The following DPYSL2 variants were observed in gnomAD, a reference collection of about 807,000 sequenced individuals.
DPYSL2 encodes the protein dihydropyrimidinase like 2.
Under a neutral mutation model 69.9 loss-of-function variants are expected in DPYSL2, and 13 were observed. The ratio of observed to expected loss-of-function variants is 0.19; its 90% CI spans 0.12 to 0.30. The LOEUF is 0.30. DPYSL2 is among the 10% of genes least tolerant of loss of function. DPYSL2 has a pLI of 1.00. For synonymous variants in DPYSL2, 326 were observed against 359.1 expected, an observed-to-expected ratio of 0.91 and a Z score of 1.04; for missense variants, 587 against 918.9, an observed-to-expected ratio of 0.64 and a Z score of 4.67.
intron 1 of DPYSL2, among the ~76,000 whole-genome samples, chr8:26,528,863 G>A (rs1057439303): frequency 8.5e-5 from 13 of 152,142 alleles, no homozygotes; most frequent in Admixed American, 5.2e-4. Context: ...GTTTAGGGAG[G>A]CCAGTTTGGA....
intron 1 of DPYSL2, among the ~76,000 whole-genome samples, chr8:26,534,316 G>A (rs893104072): frequency 1.3e-5 from 2 of 152,130 alleles, no homozygotes; most frequent in African/African-American, 4.8e-5. Context: ...AAGTAGCTGG[G>A]ACTACAGGGG....
intron 1 of DPYSL2, among the ~76,000 whole-genome samples, chr8:26,535,285 C>T (rs1166939245): frequency 6.6e-6 from 1 of 152,154 alleles, no homozygotes; most frequent in African/African-American, 2.4e-5. Context: ...ACCTGATCAC[C>T]TCTCAAAGGC....
intron 7 of DPYSL2, 53 bp from the exon 8 acceptor site, chr8:26,634,727 C>T (rs1047771881): frequency 2.5e-5 from 40 of 1,611,414 alleles, no homozygotes; most frequent in East Asian, 1.1e-4. Flanking sequence ...ATAAAGGTAG[C>T]GGCTCGTGGG....
chr8:26,574,297 C>A (rs1023993935), intron 1 of DPYSL2, among the ~76,000 whole-genome samples: 3 of 152,206 alleles, frequency 2.0e-5, no homozygotes, highest in Admixed American at 2.0e-4. Flanking sequence ...ACACTGTGTG[C>A]GTGCACCCAT....
intron 1 of DPYSL2, among the ~76,000 whole-genome samples, chr8:26,528,026 A>T (rs1402761330): frequency 6.6e-6 from 1 of 151,588 alleles, no homozygotes; most frequent in African/African-American, 2.4e-5. Context: ...CTTGTATTGA[A>T]CTCCTGGCCT....
intron 3 of DPYSL2, among the ~76,000 whole-genome samples, chr8:26,623,411 C>T (rs1802542397): frequency 6.6e-6 from 1 of 152,102 alleles, no homozygotes; most frequent in South Asian, 2.1e-4. Context: ...AATGTATGTG[C>T]TAGGTAATAT....
chr8:26,653,459 C>T lies in DPYSL2; in HGVS notation c.1942+62C>T. 1 of 1,520,528 alleles carries T rather than the reference C, an allele frequency of 6.6e-7. No individual in the cohort carries two copies. The highest frequency in any genetic ancestry group is 8.9e-7 in the Non-Finnish European group (1 of 1,124,504). The allele number at this position is 1,520,528 out of a possible 1,614,324, so 94.2% of individuals were successfully genotyped here. A position where few individuals can be genotyped will look rare whatever the true frequency, so the allele number is the denominator to read the frequency against. On this transcript the variant is annotated intron_variant, in intron 13 of 13. Coordinates refer to ENST00000521913, the MANE Select transcript of DPYSL2 (RefSeq NM_001197293.3). This position sits in a 1 kb window ranked among gnomAD's most constrained non-coding sequence, Gnocchi z 5.7. ...GGCCAGCTCGCTGGTGCTGGCGAGGCTACAGTTGCATTTGGAAAGGACACA... is the reference window on the plus strand; with the variant it reads ...GGCCAGCTCGCTGGTGCTGGCGAGGTTACAGTTGCATTTGGAAAGGACACA...
chr8:26,616,246 C>T lies in DPYSL2; in HGVS notation c.629-7897C>T, dbSNP rs963366953. Among the ~76,000 whole-genome samples the T allele has an allele frequency of 6.6e-5, 10 of 152,166 alleles. No individual in the cohort carries two copies. The Middle Eastern group carries it at 0.01, about 155-fold the overall frequency. The stretch of plus-strand genomic sequence containing the variant: ...TTCTCAGGGGCAGGTGCTTTCTCCT[C>T]CTTTTATGCCCTTTTTTTCAGAGCA... On this transcript the variant is annotated intron_variant, in intron 3 of 13. Transcript: ENST00000521913.
In DPYSL2 at chr8:26,598,136, AT is replaced by A. The variant is rs1266959145; in HGVS notation, c.628+14154del. Among the ~76,000 whole-genome samples, 1 of 152,066 alleles carries A rather than the reference AT, an allele frequency of 6.6e-6. No homozygotes were observed. Among genetic ancestry groups the A allele is most frequent in the Admixed American group, 6.5e-5 (1 of 15,282 alleles). On this transcript the variant is annotated intron_variant, in intron 3 of 13. Transcript: ENST00000521913. The surrounding 1 kb of genome is among the most constrained non-coding windows in gnomAD (Gnocchi z 4.2). ...GGCAGGGCTTGGACAAATTACATGT[AT>A]GGGGGAGTAGCCCCTTCACCCCAGT...
At position 26,614,295 on chromosome 8, in the gene DPYSL2, A is replaced by G. The variant is rs990351233; in HGVS notation, c.629-9848A>G. Reference sequence around the variant, plus strand: ...GATGTGGCAGGGACAGGTTCCAGGCACTGGCAGGATGGGGGCCAGTGTGCA... The same window carrying G: ...GATGTGGCAGGGACAGGTTCCAGGCGCTGGCAGGATGGGGGCCAGTGTGCA... On this transcript the variant is annotated intron_variant, in intron 3 of 13. Coordinates refer to ENST00000521913, the MANE Select transcript of DPYSL2 (RefSeq NM_001197293.3). The surrounding 1 kb of genome is among the most constrained non-coding windows in gnomAD (Gnocchi z 4.9). 1.3e-5 allele frequency among the ~76,000 whole-genome samples: 2 copies of G among 152,092 alleles called. No homozygotes were observed. Among genetic ancestry groups the G allele is most frequent in the Non-Finnish European group, 2.9e-5 (2 of 68,016 alleles).
At chr8:26,625,992 C>T (rs1428631332) in intron 4 of DPYSL2, among the ~76,000 whole-genome samples, 1 of 152,216 alleles carries the variant, frequency 6.6e-6, no homozygotes, top group Non-Finnish European at 1.5e-5. Flanking sequence ...ACTAACTCTC[C>T]ACTGTCCTTC....
rs893060454 is a variant in DPYSL2, at chr8:26,591,078, C to T, written c.628+7095C>T. ...GTTACAGTGCTGGAAATGAGCCTGA[C>T]TCACTGGGGTGGTGATCTTCCACCC... On this transcript the variant is annotated intron_variant, in intron 3 of 13. Transcript: ENST00000521913. This position sits in a 1 kb window ranked among gnomAD's most constrained non-coding sequence, Gnocchi z 5.8. 6.6e-6 allele frequency among the ~76,000 whole-genome samples: 1 copy of T among 152,214 alleles called. No individual in the cohort carries two copies. The highest frequency in any genetic ancestry group is 1.5e-5 in the Non-Finnish European group (1 of 68,036).
intron 4 of DPYSL2, among the ~76,000 whole-genome samples, chr8:26,625,163 T>A (rs1802586918): frequency 6.6e-6 from 1 of 152,238 alleles, no homozygotes; most frequent in African/African-American, 2.4e-5. Flanking sequence ...TTCTCTGATC[T>A]TCCACAGACT....
chr8:26,652,314 A>C lies in DPYSL2; in HGVS notation c.1654A>C (p.Ile552Leu), dbSNP rs1803293831. ...MECRGSPLVV[I>L]SQGKIVLEDG... ...GTGCCGCGGCTCCCCACTGGTGGTCATCAGCCAGGGGAAGATTGTCCTGGA... is the reference window on the plus strand; with the variant it reads ...GTGCCGCGGCTCCCCACTGGTGGTCCTCAGCCAGGGGAAGATTGTCCTGGA... The change falls in exon 12 of 14, where the codon ATC becomes CTC. Residue 552 changes from isoleucine (I) to leucine (L), a missense_variant. Transcript: ENST00000521913. The surrounding 1 kb of genome is among the most constrained non-coding windows in gnomAD (Gnocchi z 6.3). The C allele has an allele frequency of 1.2e-6, 2 of 1,614,108 alleles. No individual in the cohort carries two copies. Among genetic ancestry groups the C allele is most frequent in the African/African-American group, 2.7e-5 (2 of 74,942 alleles).
chr8:26,596,723 A>G (rs779351632), intron 3 of DPYSL2, among the ~76,000 whole-genome samples: 6 of 152,230 alleles, frequency 3.9e-5, no homozygotes, highest in Non-Finnish European at 5.9e-5. Context: ...GAGAAGTGAA[A>G]TGACTTGCCT....
At chr8:26,578,334 C>A in intron 1 of DPYSL2, 1 of 1,613,764 alleles carries the variant, frequency 6.2e-7, no homozygotes, top group Non-Finnish European at 8.5e-7. Context: ...GGCCAGCCAC[C>A]TTTTGTAGCA....
Position 26,652,474 on chromosome 8 carries a change from A to G in DPYSL2, c.1776+38A>G. 6.4e-7 allele frequency: 1 copy of G among 1,568,082 alleles called. No individual in the cohort carries two copies. Among genetic ancestry groups the G allele is most frequent in the Non-Finnish European group, 8.7e-7 (1 of 1,152,550 alleles). ...GTTCTGATGAATTTTTTGTTAAATC[A>G]CGAATTAAGTTCAAGGCCACAAACA... On this transcript the variant is annotated intron_variant, in intron 12 of 13. Coordinates refer to ENST00000521913, the MANE Select transcript of DPYSL2 (RefSeq NM_001197293.3). The surrounding 1 kb of genome is among the most constrained non-coding windows in gnomAD (Gnocchi z 6.3).
At chr8:26,606,082 G>A (rs1802101168) in intron 3 of DPYSL2, among the ~76,000 whole-genome samples, 1 of 152,134 alleles carries the variant, frequency 6.6e-6, no homozygotes. Context: ...TTAAAGCTGT[G>A]TGGTACTAGC....
chr8:26,532,774 T>A (rs1488616835), intron 1 of DPYSL2, among the ~76,000 whole-genome samples: 1 of 152,222 alleles, frequency 6.6e-6, no homozygotes, highest in Non-Finnish European at 1.5e-5. Flanking sequence ...ATTCATCAGT[T>A]GACAGGTAGT....
Sources: gnomAD v4.1 joint callset for allele counts (sites outside exome capture counted in the v4.1 genomes callset) on GRCh38, gnomAD v4.1.1 for gene constraint, Gnocchi (gnomAD v3.1) non-coding constraint, MANE v1.5 for transcripts, NCBI Gene and HGNC (gene_info 2026-07-23, HGNC 2026-07-21) for gene names.